Variants in AGBL4 observed in about 807,000 individuals in gnomAD.
The protein encoded by AGBL4 is AGBL carboxypeptidase 4.
Under a neutral mutation model 66.4 loss-of-function variants are expected in AGBL4, and 58 were observed. That is an observed-to-expected ratio of 0.87 (90% CI 0.71 to 1.09). The LOEUF (loss-of-function observed/expected upper bound fraction) is 1.09, where lower values mean the gene tolerates loss of function less well. Among genes scored for constraint, AGBL4 ranks in the 50% least tolerant of loss-of-function variants. The probability of loss-of-function intolerance (pLI) is 0.00; values close to 1 mark genes in which losing one functional copy is unlikely to be tolerated. For synonymous variants in AGBL4, 234 were observed against 222.9 expected (o/e 1.05, Z -0.44); for missense variants, 579 against 631.0 (o/e 0.92, Z 0.88).
At position 50,023,815 on chromosome 1, in the gene AGBL4, T is replaced by G. The variant is rs777260651; in HGVS notation, c.-19A>C. The G allele has an allele frequency of 5.2e-6, 8 of 1,548,188 alleles. No individual in the cohort carries two copies. The South Asian group carries it at 9.6e-5, about 18-fold the overall frequency. On this transcript the variant is annotated 5_prime_UTR_variant, in exon 1 of 14. Coordinates refer to ENST00000371839, the MANE Select transcript of AGBL4 (RefSeq NM_032785.4). ...CCGCCATTTTTGTTGTCCCTCAGTC[T>G]CCGAGCTCACGCGAAGACCGCGGGG...
chr1:48,694,834 G>A (rs945914427), intron 6 of AGBL4, among the ~76,000 whole-genome samples: 1 of 150,750 alleles, frequency 6.6e-6, no homozygotes, highest in East Asian at 1.9e-4. Context: ...ACCCCCTCTA[G>A]CAAATGAAAG....
chr1:49,727,521 T>C (rs1407266641), intron 2 of AGBL4, among the ~76,000 whole-genome samples: 1 of 152,132 alleles, frequency 6.6e-6, no homozygotes, highest in Non-Finnish European at 1.5e-5. Flanking sequence ...AACAGAAATT[T>C]GAACCAATTA....
At chr1:48,641,718 A>G (rs1007384788) in intron 8 of AGBL4, among the ~76,000 whole-genome samples, 3 of 152,152 alleles carry the variant, frequency 2.0e-5, no homozygotes, top group African/African-American at 2.4e-5. Flanking sequence ...ATAGAGGCTC[A>G]GAAGTGGTAA....
At chr1:48,999,261 G>A (rs906232896) in intron 5 of AGBL4, among the ~76,000 whole-genome samples, 2 of 152,140 alleles carry the variant, frequency 1.3e-5, no homozygotes, top group Non-Finnish European at 2.9e-5. Flanking sequence ...AAAAGTGAGT[G>A]ATGACTCACT....
At chr1:48,815,066 A>G (rs1160966385) in intron 6 of AGBL4, among the ~76,000 whole-genome samples, 1 of 152,024 alleles carries the variant, frequency 6.6e-6, no homozygotes, top group Non-Finnish European at 1.5e-5. Context: ...AGCATTTATT[A>G]TTTTTGTCTT....
intron 3 of AGBL4, among the ~76,000 whole-genome samples, chr1:49,548,255 C>A (rs1652664141): frequency 6.6e-6 from 1 of 152,192 alleles, no homozygotes; most frequent in Non-Finnish European, 1.5e-5. Context: ...CAAACAGTGA[C>A]CGTTTGACTT....
intron 6 of AGBL4, chr1:48,758,934 C>A: frequency 6.4e-7 from 1 of 1,570,806 alleles, no homozygotes; most frequent in Non-Finnish European, 8.6e-7. Flanking sequence ...CGTCCTGGAG[C>A]CTCCGGTTAA....
At chr1:49,154,296 C>T (rs1646390654) in intron 4 of AGBL4, among the ~76,000 whole-genome samples, 2 of 152,014 alleles carry the variant, frequency 1.3e-5, no homozygotes, top group African/African-American at 4.8e-5. Context: ...GTAACAGTAC[C>T]TGCTTTACAG....
At chr1:49,974,597 A>T (rs545527148) in intron 1 of AGBL4, among the ~76,000 whole-genome samples, 1 of 152,184 alleles carries the variant, frequency 6.6e-6, no homozygotes, top group Non-Finnish European at 1.5e-5. Context: ...GGTACTGATG[A>T]TCTAGCATTC....
intron 1 of AGBL4, among the ~76,000 whole-genome samples, chr1:49,934,391 G>A (rs1291800940): frequency 6.6e-6 from 1 of 152,062 alleles, no homozygotes; most frequent in Non-Finnish European, 1.5e-5. Flanking sequence ...TCATATGTGA[G>A]GTCACAAAAA....
At chr1:49,770,099 G>A (rs1644012427) in intron 2 of AGBL4, among the ~76,000 whole-genome samples, 1 of 152,136 alleles carries the variant, frequency 6.6e-6, no homozygotes, top group South Asian at 2.1e-4. Flanking sequence ...CAGCACTTTA[G>A]GAGGCTGGGG....
chr1:49,355,662 C>T (rs1338677142), intron 3 of AGBL4, among the ~76,000 whole-genome samples: 1 of 152,226 alleles, frequency 6.6e-6, no homozygotes, highest in South Asian at 2.1e-4. Context: ...CTGACTTCAT[C>T]TTCTGTTCTC....
At chr1:48,993,678 G>A (rs1660782310) in intron 5 of AGBL4, among the ~76,000 whole-genome samples, 1 of 152,124 alleles carries the variant, frequency 6.6e-6, no homozygotes, top group Non-Finnish European at 1.5e-5. Context: ...TATGACTAAT[G>A]GAATTGATGA....
chr1:49,361,783 G>A (rs539233704), intron 3 of AGBL4, among the ~76,000 whole-genome samples: 23 of 151,644 alleles, frequency 1.5e-4, no homozygotes, highest in South Asian at 2.1e-4. Flanking sequence ...ACACACGCAC[G>A]CATTACTTAA....
At position 48,887,509 on chromosome 1, in the gene AGBL4, T is replaced by C. The variant is rs369929054; in HGVS notation, c.595-20279A>G. Among the ~76,000 whole-genome samples the C allele has an allele frequency of 1.1e-4, 17 of 152,072 alleles. No individual in the cohort carries two copies. In the East Asian group the frequency reaches 1.5e-3, roughly 14 times the overall value. On this transcript the variant is annotated intron_variant, in intron 5 of 13. Transcript: ENST00000371839. ...CCCAGGGCTGTGTGAGGTATTTTTGTTCCTAGCACAACAACCCCATGGGAG... is the reference window on the plus strand; with the variant it reads ...CCCAGGGCTGTGTGAGGTATTTTTGCTCCTAGCACAACAACCCCATGGGAG...
intron 5 of AGBL4, among the ~76,000 whole-genome samples, chr1:48,972,032 G>C (rs1658949410): frequency 2.0e-5 from 3 of 152,184 alleles, no homozygotes; most frequent in Non-Finnish European, 4.4e-5. Flanking sequence ...ATCAAGGCTT[G>C]TGTTTGTGCC....
At chr1:48,809,258 T>G (rs143740096) in intron 6 of AGBL4, among the ~76,000 whole-genome samples, 12 of 152,256 alleles carry the variant, frequency 7.9e-5, no homozygotes, top group Non-Finnish European at 1.5e-4. Flanking sequence ...ACCACAGAGC[T>G]GTGAATACAA....
intron 6 of AGBL4, among the ~76,000 whole-genome samples, chr1:48,787,046 T>G (rs532228062): frequency 1.4e-4 from 22 of 152,280 alleles, no homozygotes; most frequent in African/African-American, 5.3e-4. Context: ...ATTATTAGCC[T>G]CATTTTAAAG....
intron 6 of AGBL4, chr1:48,742,606 T>C: frequency 6.6e-7 from 1 of 1,520,276 alleles, no homozygotes; most frequent in Non-Finnish European, 8.9e-7. Flanking sequence ...GAATGGATAT[T>C]GAGCTTAAAA....
Sources: allele counts gnomAD v4.1 joint callset (sites outside exome capture counted in the v4.1 genomes callset), GRCh38; gene constraint gnomAD v4.1.1; transcripts MANE v1.5; gene names NCBI Gene and HGNC (gene_info 2026-07-23, HGNC 2026-07-21).